The following RARB variants were observed in gnomAD, a reference collection of about 807,000 sequenced individuals.
RARB encodes retinoic acid receptor beta.
RARB carries 17 observed loss-of-function variants against 51.9 expected under a neutral mutation model. The ratio of observed to expected loss-of-function variants is 0.33; its 90% confidence interval spans 0.22 to 0.49. The LOEUF (loss-of-function observed/expected upper bound fraction) is 0.49. Ranked by LOEUF, RARB falls within the 20% of genes least tolerant of loss-of-function variation. The pLI is 0.99. For missense variants in RARB, 369 were observed against 550.8 expected (o/e 0.67, Z 3.30); for synonymous variants, 215 against 195.4 (o/e 1.10, Z -0.84).
At chr3:25,013,513 C>G (rs928523753) in intron 2 of RARB, among the ~76,000 whole-genome samples, 6 of 152,104 alleles carry the variant, frequency 3.9e-5, no homozygotes, top group Non-Finnish European at 7.4e-5. Context: ...GCCATGAAGA[C>G]TGACCCTCAT....
intron 5 of RARB, among the ~76,000 whole-genome samples, chr3:25,378,890 C>A (rs950951559): frequency 2.0e-5 from 3 of 152,102 alleles, no homozygotes; most frequent in Non-Finnish European, 2.9e-5. Context: ...GGAAAAAAAC[C>A]TGCACATAAT....
At chr3:24,967,639 T>C (rs535242278) in intron 2 of RARB, among the ~76,000 whole-genome samples, 15 of 152,252 alleles carry the variant, frequency 9.9e-5, no homozygotes, top group African/African-American at 3.4e-4. Context: ...TCTGCAGTCG[T>C]GTAATTAAGA....
chr3:25,353,486 T>G (rs1705639414), intron 5 of RARB, among the ~76,000 whole-genome samples: 1 of 152,162 alleles, frequency 6.6e-6, no homozygotes, highest in African/African-American at 2.4e-5. Flanking sequence ...TTTTCTTGTC[T>G]TATCTGAGTC....
chr3:25,438,883 T>A (rs1191921807), intron 1 of RARB, among the ~76,000 whole-genome samples: 1 of 152,248 alleles, frequency 6.6e-6, no homozygotes, highest in Admixed American at 6.5e-5. Context: ...TTCTCTACTA[T>A]AAACCAGTCT....
At chr3:25,407,867 T>A (rs1045892611) in intron 5 of RARB, among the ~76,000 whole-genome samples, 14 of 152,080 alleles carry the variant, frequency 9.2e-5, no homozygotes, top group African/African-American at 3.4e-4. Context: ...AGTTGGTGGA[T>A]AAATCCTCAA....
intron 5 of RARB, among the ~76,000 whole-genome samples, chr3:25,251,067 T>C (rs1409407437): frequency 6.6e-6 from 1 of 152,176 alleles, no homozygotes; most frequent in Non-Finnish European, 1.5e-5. Flanking sequence ...CATTGTCTGC[T>C]TGCTGTTTAG....
At chr3:25,593,473 G>A in intron 5 of RARB, 30 bp from the exon 6 acceptor site, 1 of 1,573,304 alleles carries the variant, frequency 6.4e-7, no homozygotes, top group Non-Finnish European at 8.7e-7. Context: ...GGATGGCTTA[G>A]AACATCCATC....
At chr3:24,937,591 T>C (rs903749880) in intron 2 of RARB, among the ~76,000 whole-genome samples, 1 of 152,088 alleles carries the variant, frequency 6.6e-6, no homozygotes, top group Non-Finnish European at 1.5e-5. Context: ...AGCAAAGCAG[T>C]AGCGTGCGAT....
chr3:25,074,687 A>G (rs1441328514), intron 3 of RARB, among the ~76,000 whole-genome samples: 2 of 152,176 alleles, frequency 1.3e-5, no homozygotes, highest in Non-Finnish European at 2.9e-5. Flanking sequence ...AAGACTTACT[A>G]CTTACTATGC....
intron 2 of RARB, among the ~76,000 whole-genome samples, chr3:25,471,935 C>T (rs778089903): frequency 2.6e-5 from 4 of 152,160 alleles, no homozygotes; most frequent in Non-Finnish European, 5.9e-5. Flanking sequence ...ATCAGCCCCC[C>T]TCTACCTTCT....
intron 3 of RARB, among the ~76,000 whole-genome samples, chr3:25,538,109 A>G (rs1302155805): frequency 1.3e-5 from 2 of 152,214 alleles, no homozygotes; most frequent in East Asian, 1.9e-4. Context: ...GTTTCCCAGT[A>G]ACAAGTGTCT....
At position 24,837,270 on chromosome 3, in the gene RARB, GT is replaced by G. The variant is rs137940421; in HGVS notation, c.-459+7870del. 1.1e-3 allele frequency among the ~76,000 whole-genome samples: 171 copies of G among 152,322 alleles called. 1 individual carries two copies. Among genetic ancestry groups the G allele is most frequent in the African/African-American group, 4.0e-3 (167 of 41,576 alleles). On this transcript the variant is annotated intron_variant, in intron 1 of 11. Transcript: ENST00000383772. ...GGTAGAGATCACAGAGGTGAGTAAA[GT>G]TTAAACAGTCTTGTGTTGAATGAAT...
chr3:25,317,917 A>C (rs1704470276), intron 5 of RARB, among the ~76,000 whole-genome samples: 1 of 102,068 alleles, frequency 9.8e-6, no homozygotes, highest in Non-Finnish European at 2.2e-5. Flanking sequence ...GAATTTTCAC[A>C]AATGCGGAAT....
At chr3:25,596,230 T>A (rs904693504) in intron 7 of RARB, among the ~76,000 whole-genome samples, 190 bp from the exon 8 acceptor site, 2 of 152,180 alleles carry the variant, frequency 1.3e-5, no homozygotes, top group African/African-American at 4.8e-5. Flanking sequence ...TATCTTTCTT[T>A]GTATTTATGA....
intron 5 of RARB, among the ~76,000 whole-genome samples, chr3:25,408,528 G>A (rs1293087255): frequency 6.6e-6 from 1 of 152,196 alleles, no homozygotes; most frequent in East Asian, 1.9e-4. Flanking sequence ...TCTAATTAGG[G>A]TGGGGACACA....
At chr3:25,012,040 G>A (rs1022393022) in intron 2 of RARB, among the ~76,000 whole-genome samples, 2 of 152,056 alleles carry the variant, frequency 1.3e-5, no homozygotes, top group African/African-American at 4.8e-5. Context: ...ATAGAGACAA[G>A]TACTTTTAAT....
chr3:25,201,007 C>T (rs1328407688), intron 5 of RARB, among the ~76,000 whole-genome samples: 1 of 152,144 alleles, frequency 6.6e-6, no homozygotes, highest in African/African-American at 2.4e-5. Flanking sequence ...ATGAGGATGG[C>T]ATTGAATCTA....
chr3:25,372,133 A>AT (rs1294798398), intron 5 of RARB, among the ~76,000 whole-genome samples: 2 of 152,250 alleles, frequency 1.3e-5, no homozygotes, highest in South Asian at 2.1e-4. Context: ...GGATTTTAAA[A>AT]GCAAACAGAA....
intron 5 of RARB, among the ~76,000 whole-genome samples, chr3:25,385,313 C>G (rs1157221279): frequency 6.6e-6 from 1 of 152,128 alleles, no homozygotes; most frequent in East Asian, 1.9e-4. Context: ...GACTATATTG[C>G]CTGTTCGTGT....
Sources: gnomAD v4.1 joint callset for allele counts (sites outside exome capture counted in the v4.1 genomes callset) on GRCh38, gnomAD v4.1.1 for gene constraint, MANE v1.5 for transcripts, NCBI Gene and HGNC (gene_info 2026-07-23, HGNC 2026-07-21) for gene names.